CCDC146: variants seen among roughly 807,000 people sequenced by gnomAD.
CCDC146 encodes the protein coiled-coil domain-containing protein 146.
In CCDC146, 92 loss-of-function variants were observed where a neutral mutation model predicts 119.3. That is an observed-to-expected ratio of 0.77 (90% CI 0.65 to 0.92). CCDC146 has a LOEUF of 0.92. Among genes scored for constraint, CCDC146 ranks in the 40% least tolerant of loss-of-function variants. CCDC146 has a pLI of 0.00. For synonymous variants in CCDC146, 372 were observed against 371.8 expected, an observed-to-expected ratio of 1.00 and a Z score of -0.01; for missense variants, 1,000 against 1,103.0, an observed-to-expected ratio of 0.91 and a Z score of 1.32.
At chr7:77,280,358 A>G (rs1263342160) in intron 13 of CCDC146, 71 bp from the exon 14 acceptor site, 1 of 1,233,774 alleles carries the variant, frequency 8.1e-7, no homozygotes, top group Non-Finnish European at 1.1e-6. Context: ...CTTGTGTTTC[A>G]GAAGCCTTCA....
At chr7:77,251,930 C>T (rs1793069008) in intron 4 of CCDC146, among the ~76,000 whole-genome samples, 1 of 152,192 alleles carries the variant, frequency 6.6e-6, no homozygotes, top group African/African-American at 2.4e-5. Context: ...AGGCAGATCA[C>T]CTGAGGTCAG....
chr7:77,250,018 C>T (rs750224557), intron 4 of CCDC146, among the ~76,000 whole-genome samples: 4 of 152,118 alleles, frequency 2.6e-5, no homozygotes, highest in Non-Finnish European at 5.9e-5. Flanking sequence ...TTGCAATATA[C>T]ATTTACAACT....
In CCDC146 at chr7:77,204,694, G is replaced by A. The variant is rs1308432487; in HGVS notation, c.157-32253G>A. 4.6e-5 allele frequency among the ~76,000 whole-genome samples: 7 copies of A among 152,268 alleles called. No homozygotes were observed. In the East Asian group the frequency reaches 1.3e-3, roughly 29 times the overall value. On this transcript the variant is annotated intron_variant, in intron 2 of 18. Coordinates refer to ENST00000285871, the MANE Select transcript of CCDC146 (RefSeq NM_020879.3). ...CACAAGAGTCTCGGAAAGTTCATCA[G>A]TCAATACCTATCAACAAAATCAATT...
chr7:77,146,325 G>T (rs1791018963), intron 1 of CCDC146, among the ~76,000 whole-genome samples: 1 of 152,036 alleles, frequency 6.6e-6, no homozygotes, highest in Admixed American at 6.6e-5. Flanking sequence ...CATGAGATGG[G>T]TCTCCTGAAT....
intron 2 of CCDC146, among the ~76,000 whole-genome samples, chr7:77,212,283 A>G (rs1345176556): frequency 6.6e-6 from 1 of 152,236 alleles, no homozygotes; most frequent in Non-Finnish European, 1.5e-5. Flanking sequence ...CTTTCCTATT[A>G]TAATAAGAAT....
rs1793861579 is a variant in CCDC146, at chr7:77,287,069, G to A, written c.2277+143G>A. ...AATATAGTCCTTTTGTTGTAATCTA[G>A]TCATACATTCTAAGCTTGATTTAGA... is the stretch of plus-strand genomic sequence containing the variant. On this transcript the variant is annotated intron_variant, in intron 16 of 18. Coordinates refer to ENST00000285871, the MANE Select transcript of CCDC146 (RefSeq NM_020879.3). The A allele has an allele frequency of 5.4e-6, 5 of 920,826 alleles. 1 individual carries two copies. The South Asian group carries it at 8.6e-5, about 16-fold the overall frequency. 57.0% of individuals were successfully genotyped at this position (920,826 alleles called of 1,614,324 possible).
intron 11 of CCDC146, among the ~76,000 whole-genome samples, chr7:77,276,245 T>A (rs1255074065): frequency 5.3e-5 from 8 of 149,934 alleles, no homozygotes. Flanking sequence ...ATGACCCAGA[T>A]GTGGTCTGTT....
At chr7:77,151,530 T>C (rs1316268140) in intron 1 of CCDC146, among the ~76,000 whole-genome samples, 1 of 152,162 alleles carries the variant, frequency 6.6e-6, no homozygotes, top group African/African-American at 2.4e-5. Flanking sequence ...ATGGTAGTGA[T>C]CACACAACTG....
intron 3 of CCDC146, among the ~76,000 whole-genome samples, chr7:77,241,385 GGTATT>G (rs1792846045): frequency 1.3e-5 from 1 of 76,100 alleles, no homozygotes; most frequent in African/African-American, 3.2e-5. Flanking sequence ...GTGCCAGTCA[GGTATT>G]CTATAGAGCA....
chr7:77,287,441 T>A lies in CCDC146; in HGVS notation c.2279T>A (p.Leu760Gln). The A allele has an allele frequency of 6.2e-7, 1 of 1,613,874 alleles. No homozygotes were observed. Among genetic ancestry groups the A allele is most frequent in the South Asian group, 1.1e-5 (1 of 91,072 alleles). The change falls in exon 17 of 19, where the codon CTG becomes CAG. Residue 760 changes from leucine (L) to glutamine (Q), a missense_variant and splice_region_variant. Physicochemically the swap from Leu to Gln is moderately radical, Grantham distance 113. This residue lies in a region of CCDC146 where 985 missense variants were observed against 1,045.3 expected (regional missense o/e 0.94). Coordinates refer to ENST00000285871, the MANE Select transcript of CCDC146 (RefSeq NM_020879.3). ...EKEMIQKLDK[L>Q]ELQLAKKEEK... ...TCTTGAACCAATTTTCAAACATAGC[T>A]GGAACTACAACTGGCCAAGAAGGAG...
intron 14 of CCDC146, chr7:77,282,351 T>G (rs774638180): frequency 5.5e-5 from 27 of 488,930 alleles, no homozygotes; most frequent in Middle Eastern, 5.4e-4. Context: ...AGCCTCAAAG[T>G]TGAGAGGCTC....
Position 77,196,353 on chromosome 7 carries a change from C to G in CCDC146, c.156+28529C>G, listed in dbSNP as rs1251925934. ...GAGGACTTGTAGCCACCAGGGTGTG[C>G]CTCACTTACACCAGGCCAGGTACCC... On this transcript the variant is annotated intron_variant, in intron 2 of 18. Coordinates refer to ENST00000285871, the MANE Select transcript of CCDC146 (RefSeq NM_020879.3). This position sits in a 1 kb window ranked among gnomAD's most constrained non-coding sequence, Gnocchi z 4.2. 1 of 1,614,116 alleles carries G rather than the reference C, an allele frequency of 6.2e-7. No homozygotes were observed. Among genetic ancestry groups the G allele is most frequent in the East Asian group, 2.2e-5 (1 of 44,866 alleles).
At chr7:77,287,688 G>A (rs951596350) in intron 17 of CCDC146, 111 bp downstream of exon 17, 2 of 1,157,594 alleles carry the variant, frequency 1.7e-6, no homozygotes, top group African/African-American at 1.5e-5. Context: ...TAGGCTTTAT[G>A]ACTAGGGGAA....
At chr7:77,287,321 T>TA in intron 16 of CCDC146, 119 bp from the exon 17 acceptor site, 1 of 1,102,096 alleles carries the variant, frequency 9.1e-7, no homozygotes, top group Non-Finnish European at 1.3e-6. Context: ...AACCCAGCTC[T>TA]AAACACTTTC....
intron 8 of CCDC146, among the ~76,000 whole-genome samples, chr7:77,261,205 C>T (rs868655277): frequency 6.6e-6 from 1 of 152,006 alleles, no homozygotes. Flanking sequence ...GGTTGTTGTA[C>T]AGATTATTTT....
At chr7:77,290,944 T>C (rs1210461801) in intron 17 of CCDC146, among the ~76,000 whole-genome samples, 14 of 152,234 alleles carry the variant, frequency 9.2e-5, no homozygotes. Context: ...TGTCCCAATT[T>C]ATCCTGGTCC....
At chr7:77,149,349 A>G (rs73371554) in intron 1 of CCDC146, among the ~76,000 whole-genome samples, 1,710 of 152,370 alleles carry the variant, frequency 0.011, 22 homozygotes, top group African/African-American at 0.039. Context: ...AAAGACCGTC[A>G]GCTTTTTAAA....
At chr7:77,267,634 A>T (rs757833101) in intron 9 of CCDC146, among the ~76,000 whole-genome samples, 1 of 151,988 alleles carries the variant, frequency 6.6e-6, no homozygotes, top group Non-Finnish European at 1.5e-5. Flanking sequence ...TTCTCATGTC[A>T]TAATTTTGAT....
At chr7:77,191,881 GC>G (rs1449692153) in intron 2 of CCDC146, among the ~76,000 whole-genome samples, 6 of 151,876 alleles carry the variant, frequency 4.0e-5, no homozygotes, top group African/African-American at 1.5e-4. Context: ...CTGCACTCCA[GC>G]CTGGGCGACA....
Sources: gnomAD v4.1 joint callset for allele counts (sites outside exome capture counted in the v4.1 genomes callset) on GRCh38, gnomAD v4.1.1 for gene constraint, gnomAD v4.1.1 regional missense constraint, Gnocchi (gnomAD v3.1) non-coding constraint, MANE v1.5 for transcripts, NCBI Gene and HGNC (gene_info 2026-07-23, HGNC 2026-07-21) for gene names.